Variants in DAB1 observed in about 807,000 individuals in gnomAD.
DAB1 encodes DAB adaptor protein 1.
A neutral mutation model predicts 64.6 loss-of-function variants in DAB1; 15 were observed. The observed-to-expected ratio is 0.23, with a 90% confidence interval of 0.16 to 0.36. The LOEUF (loss-of-function observed/expected upper bound fraction) is 0.36. Ranked by LOEUF, DAB1 falls within the 10% of genes least tolerant of loss-of-function variation. The probability of loss-of-function intolerance (pLI) is 1.00; values close to 1 mark genes in which losing one functional copy is unlikely to be tolerated. For missense variants in DAB1, 596 were observed against 706.7 expected, an observed-to-expected ratio of 0.84 and a Z score of 1.78; for synonymous variants, 235 against 251.9, an observed-to-expected ratio of 0.93 and a Z score of 0.64.
At chr1:57,756,720 G>C (rs974900510) in intron 6 of DAB1, among the ~76,000 whole-genome samples, 1 of 151,950 alleles carries the variant, frequency 6.6e-6, no homozygotes, top group East Asian at 1.9e-4. Flanking sequence ...ACAGCACTAG[G>C]AACAGATAAA....
intron 9 of DAB1, among the ~76,000 whole-genome samples, chr1:57,032,111 A>G (rs1646983101): frequency 6.6e-6 from 1 of 152,170 alleles, no homozygotes; most frequent in Admixed American, 6.5e-5. Context: ...GTTCACTGCA[A>G]CTAGACCCCT....
chr1:58,347,078 GGGTTT>G (rs1644008679), intron 3 of DAB1, among the ~76,000 whole-genome samples: 1 of 128,890 alleles, frequency 7.8e-6, no homozygotes, highest in African/African-American at 2.9e-5. Context: ...AAATGATTAT[GGGTTT>G]GTTTTGTTTT....
intron 7 of DAB1, among the ~76,000 whole-genome samples, chr1:57,588,509 G>A (rs1645406321): frequency 6.6e-6 from 1 of 152,138 alleles, no homozygotes; most frequent in Non-Finnish European, 1.5e-5. Context: ...TACCAAGAAG[G>A]TTAAAGTCTT....
At chr1:57,632,573 G>A (rs577617243) in intron 7 of DAB1, among the ~76,000 whole-genome samples, 5 of 152,246 alleles carry the variant, frequency 3.3e-5, no homozygotes, top group Middle Eastern at 3.4e-3. Context: ...TTCAGCACCA[G>A]GCAGACACAG....
intron 3 of DAB1, chr1:58,474,008 T>C (rs575327492): frequency 8.6e-5 from 101 of 1,168,932 alleles, no homozygotes; most frequent in South Asian, 4.9e-4. Context: ...GCCTGGACTT[T>C]GATTTCCGAG....
chr1:57,607,938 G>T (rs1366218898), intron 7 of DAB1, among the ~76,000 whole-genome samples: 1 of 152,104 alleles, frequency 6.6e-6, no homozygotes, highest in African/African-American at 2.4e-5. Context: ...AACCACAGAG[G>T]GGTCAGCATT....
intron 6 of DAB1, among the ~76,000 whole-genome samples, chr1:57,790,146 G>A (rs1403943254): frequency 6.6e-6 from 1 of 152,150 alleles, no homozygotes; most frequent in South Asian, 2.1e-4. Flanking sequence ...TGGTTTGGCT[G>A]TGTCCTCACC....
At chr1:56,999,893 C>T (rs2101614490) in intron 14 of DAB1, among the ~76,000 whole-genome samples, 1 of 152,288 alleles carries the variant, frequency 6.6e-6, no homozygotes, top group South Asian at 2.1e-4. Context: ...CAACTTGTCC[C>T]TCCATGCCTT....
intron 5 of DAB1, chr1:58,056,331 G>A (rs1178372417): frequency 6.4e-7 from 1 of 1,570,902 alleles, no homozygotes; most frequent in Non-Finnish European, 8.7e-7. Flanking sequence ...AAATGTCCCT[G>A]ACTGCTGCGG....
At chr1:57,973,773 G>A (rs778633094) in intron 5 of DAB1, among the ~76,000 whole-genome samples, 9 of 151,916 alleles carry the variant, frequency 5.9e-5, no homozygotes, top group Non-Finnish European at 1.0e-4. Context: ...TCTCCAAGTC[G>A]CCATCATTTC....
At chr1:57,649,902 C>G (rs912931690) in intron 6 of DAB1, among the ~76,000 whole-genome samples, 2 of 152,148 alleles carry the variant, frequency 1.3e-5, no homozygotes, top group African/African-American at 4.8e-5. Context: ...AATCAGGATA[C>G]GTGTGTCTGT....
chr1:57,927,424 C>T (rs2102031551), intron 5 of DAB1, among the ~76,000 whole-genome samples: 1 of 152,202 alleles, frequency 6.6e-6, no homozygotes, highest in East Asian at 1.9e-4. Context: ...ACCTGAGCTT[C>T]TAGGGAAATC....
intron 4 of DAB1, among the ~76,000 whole-genome samples, chr1:58,260,616 C>T (rs1661027204): frequency 6.6e-6 from 1 of 152,216 alleles, no homozygotes; most frequent in Admixed American, 6.5e-5. Context: ...ACACTCAGTC[C>T]AGCCAAACCA....
intron 7 of DAB1, among the ~76,000 whole-genome samples, chr1:57,538,107 T>G (rs932395721): frequency 2.6e-5 from 4 of 152,146 alleles, no homozygotes; most frequent in Admixed American, 6.5e-5. Context: ...AATTTCAACA[T>G]GAGGTTTGGA....
At chr1:57,837,775 C>A (rs1652870090) in intron 1 of DAB1, among the ~76,000 whole-genome samples, 1 of 150,842 alleles carries the variant, frequency 6.6e-6, no homozygotes, top group South Asian at 2.1e-4. Flanking sequence ...ATCCCTACCA[C>A]CTCCACCACC....
chr1:57,562,267 G>A (rs1300045057), intron 7 of DAB1, among the ~76,000 whole-genome samples: 1 of 152,204 alleles, frequency 6.6e-6, no homozygotes, highest in African/African-American at 2.4e-5. Flanking sequence ...CAGCTACTTG[G>A]GAGGCTGAGG....
At chr1:57,359,609 A>G (rs948571592) in intron 1 of DAB1, among the ~76,000 whole-genome samples, 1 of 152,010 alleles carries the variant, frequency 6.6e-6, no homozygotes, top group African/African-American at 2.4e-5. Context: ...AAGGAAATGA[A>G]ATCAGTATGT....
chr1:57,451,156 C>T (rs954359394), intron 7 of DAB1, among the ~76,000 whole-genome samples: 5 of 152,172 alleles, frequency 3.3e-5, no homozygotes, highest in African/African-American at 7.2e-5. Flanking sequence ...TCCACCAGGA[C>T]CACCAGCTTT....
At chr1:57,686,973 G>C (rs752450239) in intron 6 of DAB1, among the ~76,000 whole-genome samples, 1 of 152,072 alleles carries the variant, frequency 6.6e-6, no homozygotes, top group Middle Eastern at 3.2e-3. Flanking sequence ...CATTCCCCTT[G>C]AGAACTGGGA....
Sources: gnomAD v4.1 joint callset for allele counts (sites outside exome capture counted in the v4.1 genomes callset) on GRCh38, gnomAD v4.1.1 for gene constraint, MANE v1.5 for transcripts, NCBI Gene and HGNC (gene_info 2026-07-23, HGNC 2026-07-21) for gene names.